Variants in COL4A2 observed in about 807,000 individuals in gnomAD.
The protein encoded by COL4A2 is collagen type IV alpha 2 chain, also known as collagen alpha-2(IV) chain.
In COL4A2, 99 loss-of-function variants were observed where a neutral mutation model predicts 200.2. That is an observed-to-expected ratio of 0.49 (90% CI 0.42 to 0.58). The LOEUF is 0.58. COL4A2 is among the 20% of genes least tolerant of loss of function. The probability of loss-of-function intolerance (pLI) is 0.00; values close to 1 mark genes in which losing one functional copy is unlikely to be tolerated. For synonymous variants in COL4A2, 897 were observed against 900.6 expected (o/e 1.00, Z 0.07); for missense variants, 1,950 against 2,314.1 (o/e 0.84, Z 3.23).
chr13:110,461,592 C>T (rs1882027934), intron 22 of COL4A2, among the ~76,000 whole-genome samples: 1 of 152,136 alleles, frequency 6.6e-6, no homozygotes, highest in African/African-American at 2.4e-5. Flanking sequence ...AAGATCTCGG[C>T]TCACTGCAAC....
At chr13:110,344,894 A>G (rs1165348069) in intron 3 of COL4A2, among the ~76,000 whole-genome samples, 2 of 152,156 alleles carry the variant, frequency 1.3e-5, no homozygotes, top group Non-Finnish European at 2.9e-5. Context: ...CTGTGCTATT[A>G]TTTGTATTAG....
intron 4 of COL4A2, among the ~76,000 whole-genome samples, chr13:110,407,350 G>A (rs1033400872): frequency 1.3e-5 from 2 of 152,214 alleles, no homozygotes; most frequent in African/African-American, 2.4e-5. Flanking sequence ...CCAGTGTAGC[G>A]AGGAGAGCGT....
Position 110,449,642 on chromosome 13 carries a change from G to A in COL4A2, c.1079-37G>A, listed in dbSNP as rs188720127. On this transcript the variant is annotated intron_variant, in intron 18 of 47. Transcript: ENST00000360467. ...ACGCCAGCTGCGATCCGTAGACCAC[G>A]GTCTTGTTCTTACTGTGGGACTTGT... The A allele has an allele frequency of 5.8e-5, 87 of 1,506,578 alleles. No homozygotes were observed. The African/African-American group carries it at 7.2e-4, about 12-fold the overall frequency. 93.3% of individuals were successfully genotyped at this position (1,506,578 alleles called of 1,614,324 possible). A position where few individuals can be genotyped will look rare whatever the true frequency, so the allele number is the denominator to read the frequency against.
At position 110,478,106 on chromosome 13, in the gene COL4A2, C is replaced by T; in HGVS notation, c.2529C>T (p.Phe843=). 1 of 1,603,190 alleles carries T rather than the reference C, an allele frequency of 6.2e-7. No individual in the cohort carries two copies. The highest frequency in any genetic ancestry group is 8.5e-7 in the Non-Finnish European group (1 of 1,173,732). The change falls in exon 30 of 48, where the codon TTC becomes TTT. Residue 843 remains phenylalanine, a synonymous_variant. Transcript: ENST00000360467. The part of the protein sequence containing the change: ...GLYGPPGLHG[F]PGAPGQEGPL... Reference sequence around the variant, plus strand: ...ATGGGCCTCCAGGACTGCATGGATTCCCAGGAGCTCCTGGCCAAGAGGGGC... The same window carrying T: ...ATGGGCCTCCAGGACTGCATGGATTTCCAGGAGCTCCTGGCCAAGAGGGGC...
At chr13:110,446,424 G>A (rs772491523) in intron 17 of COL4A2, among the ~76,000 whole-genome samples, 15 of 152,176 alleles carry the variant, frequency 9.9e-5, no homozygotes, top group East Asian at 1.9e-4. Context: ...CACAGATGGC[G>A]CTCCACGGGG....
chr13:110,505,272 C>T (rs560214722), intron 45 of COL4A2, among the ~76,000 whole-genome samples: 96 of 152,232 alleles, frequency 6.3e-4, no homozygotes, highest in Non-Finnish European at 8.4e-4. Flanking sequence ...ATGGCCTCAA[C>T]CCAGGAGGTG....
intron 20 of COL4A2, among the ~76,000 whole-genome samples, chr13:110,454,991 G>A (rs1023452130): frequency 6.6e-6 from 1 of 151,942 alleles, no homozygotes; most frequent in African/African-American, 2.4e-5. Context: ...CAGAGCCCTG[G>A]GCTACTCTGC....
intron 45 of COL4A2, 124 bp downstream of exon 45, chr13:110,504,388 C>G: frequency 1.4e-6 from 1 of 728,176 alleles, no homozygotes; most frequent in Non-Finnish European, 2.3e-6. Flanking sequence ...GCTGCCCCAC[C>G]CTCCTGCTCC....
In COL4A2 at chr13:110,381,730, A is replaced by T. The variant is rs565476490; in HGVS notation, c.180+24178A>T. The stretch of plus-strand genomic sequence containing the variant: ...CGCAGTCTGGGATTGAATCTGCCTC[A>T]CTCCTTTTTCACTCCCTTTCAGAAA... On this transcript the variant is annotated intron_variant, in intron 4 of 47. Coordinates refer to ENST00000360467, the MANE Select transcript of COL4A2 (RefSeq NM_001846.4). Among the ~76,000 whole-genome samples the T allele has an allele frequency of 3.9e-5, 6 of 152,096 alleles. No homozygotes were observed. The South Asian group carries it at 8.3e-4, about 21-fold the overall frequency.
chr13:110,365,656 G>T (rs1045489762), intron 4 of COL4A2, among the ~76,000 whole-genome samples: 1 of 152,024 alleles, frequency 6.6e-6, no homozygotes, highest in Non-Finnish European at 1.5e-5. Flanking sequence ...CTTTCTCCAC[G>T]CAATGGCCTT....
At chr13:110,356,044 C>A (rs11619057) in intron 3 of COL4A2, among the ~76,000 whole-genome samples, 1 of 152,050 alleles carries the variant, frequency 6.6e-6, no homozygotes, top group South Asian at 2.1e-4. Context: ...CATCTCAAAA[C>A]GTTTAATACT....
At chr13:110,420,757 A>G (rs1452618452) in intron 4 of COL4A2, among the ~76,000 whole-genome samples, 1 of 152,200 alleles carries the variant, frequency 6.6e-6, no homozygotes, top group African/African-American at 2.4e-5. Context: ...GCTGCTCTTT[A>G]TAGATGCACC....
At chr13:110,407,402 T>C (rs535831427) in intron 4 of COL4A2, among the ~76,000 whole-genome samples, 47 of 152,286 alleles carry the variant, frequency 3.1e-4, no homozygotes, top group Non-Finnish European at 6.0e-4. Flanking sequence ...TGAGGGACCA[T>C]GGATGCGGGG....
At chr13:110,492,677 G>C (rs149020773) in intron 38 of COL4A2, among the ~76,000 whole-genome samples, 1 of 152,234 alleles carries the variant, frequency 6.6e-6, no homozygotes, top group Non-Finnish European at 1.5e-5. Flanking sequence ...AAATGACACC[G>C]GGCTATTTGT....
At chr13:110,462,000 T>A in intron 22 of COL4A2, 114 bp from the exon 23 acceptor site, 1 of 1,489,796 alleles carries the variant, frequency 6.7e-7, no homozygotes, top group Non-Finnish European at 9.1e-7. Flanking sequence ...GGCGCTCGGT[T>A]TGGTGACGGG....
In COL4A2 at chr13:110,307,316, C is replaced by T. The variant is rs1884796361; in HGVS notation, c.-257C>T. 3 of 333,328 alleles carry T rather than the reference C, an allele frequency of 9.0e-6. No homozygotes were observed. The South Asian group carries it at 2.7e-4, about 30-fold the overall frequency. The allele number at this position is 333,328 out of a possible 1,614,324, so 20.6% of individuals were successfully genotyped here. On this transcript the variant is annotated 5_prime_UTR_variant, in exon 1 of 48. Coordinates refer to ENST00000360467, the MANE Select transcript of COL4A2 (RefSeq NM_001846.4). The surrounding 1 kb of genome is among the most constrained non-coding windows in gnomAD (Gnocchi z 5.0). ...GCTGCAGTGCGCCGGGACACCAGGG[C>T]TCCGCGCTCCGCACTCAAGAGGCTC...
At chr13:110,474,134 AAAGAAAAG>A (rs367696410) in intron 29 of COL4A2, among the ~76,000 whole-genome samples, 1 of 152,068 alleles carries the variant, frequency 6.6e-6, no homozygotes, top group African/African-American at 2.4e-5. Flanking sequence ...CTCAAAAAGA[AAAGAAAAG>A]AAAAGAAAAT....
rs1160271656 is a variant in COL4A2, at chr13:110,472,282, A to AT, written c.2204-641dup. Reference sequence around the variant, plus strand: ...AGGCATCCGCCACCACACCTGGCTAATTTTTTGTATTTTTAGTAGAGACGA... The same window carrying AT: ...AGGCATCCGCCACCACACCTGGCTAATTTTTTTGTATTTTTAGTAGAGACGA... On this transcript the variant is annotated intron_variant, in intron 28 of 47. Coordinates refer to ENST00000360467, the MANE Select transcript of COL4A2 (RefSeq NM_001846.4). 1.5e-4 allele frequency among the ~76,000 whole-genome samples: 23 copies of AT among 151,834 alleles called. No homozygotes were observed. In the South Asian group the frequency reaches 3.6e-3, roughly 23 times the overall value.
At chr13:110,338,958 G>GA (rs1262504187) in intron 3 of COL4A2, among the ~76,000 whole-genome samples, 1 of 152,356 alleles carries the variant, frequency 6.6e-6, no homozygotes, top group Admixed American at 6.5e-5. Flanking sequence ...ATAAAAGGAA[G>GA]AAAATGGTGC....
Sources: gnomAD v4.1 joint callset for allele counts (sites outside exome capture counted in the v4.1 genomes callset) on GRCh38, gnomAD v4.1.1 for gene constraint, Gnocchi (gnomAD v3.1) non-coding constraint, MANE v1.5 for transcripts, NCBI Gene and HGNC (gene_info 2026-07-23, HGNC 2026-07-21) for gene names.